The following HPSE variants were observed in gnomAD, a reference collection of about 807,000 sequenced individuals.
The protein encoded by HPSE is heparanase, also known as endo-glucoronidase.
In HPSE, 48 loss-of-function variants were observed where a neutral mutation model predicts 65.1. The observed-to-expected ratio is 0.74, with a 90% CI of 0.58 to 0.94. The LOEUF (loss-of-function observed/expected upper bound fraction) is 0.94, where lower values mean the gene tolerates loss of function less well. HPSE is among the 40% of genes least tolerant of loss of function. The pLI, the probability that HPSE is intolerant of heterozygous loss-of-function variation, is 0.00. For synonymous variants in HPSE, 243 were observed against 260.0 expected (o/e 0.93, Z 0.63); for missense variants, 644 against 637.5 (o/e 1.01, Z -0.11).
At position 83,309,451 on chromosome 4, in the gene HPSE, T is replaced by G; in HGVS notation, c.935A>C (p.Asn312Thr). 1.3e-6 allele frequency: 2 copies of G among 1,594,184 alleles called. No homozygotes were observed. Among genetic ancestry groups the G allele is most frequent in the East Asian group, 2.2e-5 (1 of 44,624 alleles). ...GRTATKEDFL[N>T]PDVLDIFISS... ...AATAAAAATGTCCAATACATCAGGGTTTAGAAAATCTTCCTTGGTAGCAGT... is the reference window on the plus strand; with the variant it reads ...AATAAAAATGTCCAATACATCAGGGGTTAGAAAATCTTCCTTGGTAGCAGT... The change falls in exon 7 of 12, where the codon AAC becomes ACC. Residue 312 changes from asparagine to threonine, a missense_variant. Transcript: ENST00000311412.
In HPSE at chr4:83,324,101, C is replaced by G. The variant is rs1351241624; in HGVS notation, c.228-1737G>C. Among the ~76,000 whole-genome samples, 3 of 120,144 alleles carry G rather than the reference C, an allele frequency of 2.5e-5. No homozygotes were observed. In the Admixed American group the frequency reaches 3.0e-4, roughly 12 times the overall value. The allele number at this position is 120,144 out of a possible 152,430, so 78.8% of individuals were successfully genotyped here. On this transcript the variant is annotated intron_variant, in intron 1 of 11. Coordinates refer to ENST00000311412, the MANE Select transcript of HPSE (RefSeq NM_001098540.3). ...ATTCCTGGAGCACTGATTGCCAATACTTCTTCTTCTTCTTTTTTTTTTTTT... is the reference window on the plus strand; with the variant it reads ...ATTCCTGGAGCACTGATTGCCAATAGTTCTTCTTCTTCTTTTTTTTTTTTT...
At chr4:83,301,238 A>G (rs1578004763) in intron 10 of HPSE, 132 bp from the exon 11 acceptor site, 2 of 542,440 alleles carry the variant, frequency 3.7e-6, no homozygotes. Flanking sequence ...ATTAGGATCC[A>G]TAATGACAGT....
intron 6 of HPSE, 149 bp from the exon 7 acceptor site, chr4:83,309,644 G>A: frequency 1.6e-6 from 1 of 630,014 alleles, no homozygotes; most frequent in South Asian, 2.0e-5. Flanking sequence ...GACCAAGATG[G>A]AAGGGAGTTA....
At position 83,322,585 on chromosome 4, in the gene HPSE, C is replaced by T. The variant is rs140145615; in HGVS notation, c.228-221G>A. Among the ~76,000 whole-genome samples, 351 of 151,978 alleles carry T rather than the reference C, an allele frequency of 2.3e-3. 5 individuals are homozygous for T. The South Asian group carries it at 0.05, about 21-fold the overall frequency. ...TCACTTCACTGCAACTTCTGCTTGC[C>T]GGGTTGAAGCAGTTCTGCTTCTGCC... On this transcript the variant is annotated intron_variant, in intron 1 of 11. Transcript: ENST00000311412.
At position 83,326,844 on chromosome 4, in the gene HPSE, C is replaced by T. The variant is rs976711672; in HGVS notation, c.228-4480G>A. Among the ~76,000 whole-genome samples the T allele has an allele frequency of 1.3e-5, 2 of 152,100 alleles. No individual in the cohort carries two copies. Among genetic ancestry groups the T allele is most frequent in the Admixed American group, 1.3e-4 (2 of 15,274 alleles). On this transcript the variant is annotated intron_variant, in intron 1 of 11. Coordinates refer to ENST00000311412, the MANE Select transcript of HPSE (RefSeq NM_001098540.3). This position sits in a 1 kb window ranked among gnomAD's most constrained non-coding sequence, Gnocchi z 4.2. ...CTCTAGCTGTATTTGTAAGCAGTCGCGGCTGGGCAAGAGACTGGGAAGTGG... is the reference window on the plus strand; with the variant it reads ...CTCTAGCTGTATTTGTAAGCAGTCGTGGCTGGGCAAGAGACTGGGAAGTGG...
chr4:83,315,540 T>C (rs1736594784), intron 3 of HPSE, among the ~76,000 whole-genome samples: 1 of 152,222 alleles, frequency 6.6e-6, no homozygotes, highest in Non-Finnish European at 1.5e-5. Flanking sequence ...CCTGCTTTAG[T>C]CACACATTAT....
chr4:83,300,213 A>G (rs1735888361), intron 11 of HPSE, among the ~76,000 whole-genome samples: 1 of 152,228 alleles, frequency 6.6e-6, no homozygotes, highest in Non-Finnish European at 1.5e-5. Flanking sequence ...CTTAAGAAGT[A>G]TACTCTAGCT....
intron 3 of HPSE, 101 bp from the exon 4 acceptor site, chr4:83,313,388 A>C: frequency 1.5e-6 from 1 of 689,152 alleles, no homozygotes; most frequent in Non-Finnish European, 2.3e-6. Context: ...TGTTAAACTG[A>C]AGAAATTCTA....
intron 1 of HPSE, among the ~76,000 whole-genome samples, chr4:83,332,406 G>A (rs1197871046): frequency 6.6e-6 from 1 of 152,236 alleles, no homozygotes; most frequent in Non-Finnish European, 1.5e-5. Flanking sequence ...CGATGCGTCT[G>A]GGGAGCAGGT....
At chr4:83,301,152 A>G in intron 10 of HPSE, 46 bp from the exon 11 acceptor site, 1 of 1,314,642 alleles carries the variant, frequency 7.6e-7, no homozygotes, top group South Asian at 1.4e-5. Flanking sequence ...ATCTAATTTA[A>G]GCAATTAAAA....
At chr4:83,319,295 CA>C (rs770960860) in intron 3 of HPSE, 48 bp downstream of exon 3, 3 of 1,599,814 alleles carry the variant, frequency 1.9e-6, no homozygotes. Flanking sequence ...CCAACCTATT[CA>C]AATATCTTTG....
intron 2 of HPSE, 65 bp from the exon 3 acceptor site, chr4:83,319,534 T>A: frequency 6.7e-7 from 1 of 1,484,456 alleles, no homozygotes; most frequent in Non-Finnish European, 9.3e-7. Context: ...ATCGCATATA[T>A]TTATTTAGTT....
In HPSE at chr4:83,292,565, G is replaced by A. The variant is rs1337531782; in HGVS notation, c.*2779C>T. 2.0e-5 allele frequency: 3 copies of A among 152,132 alleles called. No homozygotes were observed. The highest frequency in any genetic ancestry group is 7.2e-5 in the African/African-American group (3 of 41,412). 9.4% of individuals were successfully genotyped at this position (152,132 alleles called of 1,614,324 possible). On this transcript the variant is annotated 3_prime_UTR_variant, in exon 12 of 12. Coordinates refer to ENST00000311412, the MANE Select transcript of HPSE (RefSeq NM_001098540.3). ...ATCTAAAATTTAATTTTCAGCTTTA[G>A]CTCCTTACAAATATACTTAAATTGA...
At chr4:83,306,402 T>G (rs1008874440) in intron 8 of HPSE, 85 bp from the exon 9 acceptor site, 56 of 681,468 alleles carry the variant, frequency 8.2e-5, no homozygotes, top group Admixed American at 1.2e-4. Context: ...ATTTTATTTA[T>G]GTATTTATTT....
At chr4:83,325,110 T>C (rs748575968) in intron 1 of HPSE, among the ~76,000 whole-genome samples, 1 of 151,708 alleles carries the variant, frequency 6.6e-6, no homozygotes, top group Admixed American at 6.6e-5. Flanking sequence ...AAGCACGTTA[T>C]ATTTTAAATT....
rs888708259 is a variant in HPSE, at chr4:83,309,844, T to A, written c.890+187A>T. ...AGTGATCTTTATAGAAACCACTACA[T>A]TATTTAAAATAACTTTAAATTTTTT... is the stretch of plus-strand genomic sequence containing the variant. On this transcript the variant is annotated intron_variant, in intron 6 of 11. Transcript: ENST00000311412. 3.3e-5 allele frequency among the ~76,000 whole-genome samples: 5 copies of A among 152,218 alleles called. No homozygotes were observed. The South Asian group carries it at 6.2e-4, about 19-fold the overall frequency.
chr4:83,334,121 G>T (rs1369946323), intron 1 of HPSE, among the ~76,000 whole-genome samples: 1 of 152,136 alleles, frequency 6.6e-6, no homozygotes, highest in African/African-American at 2.4e-5. Flanking sequence ...AAACAAAAAG[G>T]CTCATTTAGA....
intron 10 of HPSE, 60 bp downstream of exon 10, chr4:83,302,090 A>T: frequency 9.1e-7 from 1 of 1,099,482 alleles, no homozygotes; most frequent in Non-Finnish European, 1.4e-6. Flanking sequence ...GTGTTTGAGT[A>T]AAGTTACAGG....
At chr4:83,310,130 A>T in intron 5 of HPSE, 52 bp from the exon 6 acceptor site, 2 of 1,199,626 alleles carry the variant, frequency 1.7e-6, no homozygotes, top group Non-Finnish European at 2.5e-6. Flanking sequence ...ATATATGCAC[A>T]ATATACGCAT....
Sources: allele counts gnomAD v4.1 joint callset (sites outside exome capture counted in the v4.1 genomes callset), GRCh38; gene constraint gnomAD v4.1.1; non-coding constraint Gnocchi (gnomAD v3.1); transcripts MANE v1.5; gene names NCBI Gene and HGNC (gene_info 2026-07-23, HGNC 2026-07-21).